Variants in RANBP2 observed in about 807,000 individuals in gnomAD.
RANBP2 encodes the protein RAN binding protein 2, also known as E3 SUMO-protein ligase RanBP2.
RANBP2 carries 57 observed loss-of-function variants against 303.6 expected under a neutral mutation model. The observed-to-expected ratio is 0.19, with a 90% CI of 0.15 to 0.23. RANBP2 has a LOEUF of 0.23. Ranked by LOEUF, RANBP2 falls within the 10% of genes least tolerant of loss-of-function variation. The pLI is 1.00. For missense variants in RANBP2, 3,138 were observed against 3,780.8 expected, an observed-to-expected ratio of 0.83 and a Z score of 4.46; for synonymous variants, 1,167 against 1,301.5, an observed-to-expected ratio of 0.90 and a Z score of 2.23.
chr2:108,950,303 G>A, the RANBP2 span, among the ~76,000 whole-genome samples: 44,681 of 149,328 alleles, frequency 0.3, 10,556 homozygotes, highest in East Asian at 0.94. Flanking sequence ...TTTGACAGGC[G>A]GGTCTCAGTC....
At chr2:108,864,594 G>A in the RANBP2 span, among the ~76,000 whole-genome samples, 4 of 151,984 alleles carry the variant, frequency 2.6e-5, no homozygotes, top group African/African-American at 4.8e-5. Context: ...TTAGGAGATC[G>A]AGAGCAGCCT....
At chr2:109,210,392 G>A in the RANBP2 span, among the ~76,000 whole-genome samples, 2 of 152,206 alleles carry the variant, frequency 1.3e-5, no homozygotes, top group African/African-American at 4.8e-5. Flanking sequence ...GGTCTTTTCC[G>A]TGCTCCCTCG....
the RANBP2 span, among the ~76,000 whole-genome samples, chr2:108,816,991 C>A: frequency 6.6e-6 from 1 of 152,190 alleles, no homozygotes; most frequent in East Asian, 1.9e-4. Context: ...GCCACTGTGC[C>A]CAGACCCAGT....
At chr2:109,044,001 T>C in the RANBP2 span, among the ~76,000 whole-genome samples, 1 of 152,094 alleles carries the variant, frequency 6.6e-6, no homozygotes, top group Admixed American at 6.6e-5. Context: ...AGAGGCATTT[T>C]TGGGCAGGAT....
At chr2:109,436,725 AC>A in the RANBP2 span, among the ~76,000 whole-genome samples, 1 of 152,202 alleles carries the variant, frequency 6.6e-6, no homozygotes, top group African/African-American at 2.4e-5. Flanking sequence ...GGTTTTGTAA[AC>A]AGGGCCCTTC....
At chr2:108,748,518 G>T (rs999123981) in intron 8 of RANBP2, among the ~76,000 whole-genome samples, 35 of 151,844 alleles carry the variant, frequency 2.3e-4, no homozygotes, top group African/African-American at 8.2e-4. Context: ...ACCGTGCCCA[G>T]CCGGAAATAA....
chr2:109,436,470 C>T, the RANBP2 span, among the ~76,000 whole-genome samples: 84 of 152,308 alleles, frequency 5.5e-4, no homozygotes, highest in African/African-American at 1.9e-3. Context: ...AGGTGGCAGT[C>T]GTGCCCAGAG....
At chr2:108,817,058 T>C in the RANBP2 span, among the ~76,000 whole-genome samples, 1 of 152,152 alleles carries the variant, frequency 6.6e-6, no homozygotes, top group Non-Finnish European at 1.5e-5. Flanking sequence ...AGTTTCAACA[T>C]GACTTTTGGA....
chr2:109,694,428 G>GTTT, the RANBP2 span, among the ~76,000 whole-genome samples: 1 of 139,278 alleles, frequency 7.2e-6, no homozygotes, highest in Non-Finnish European at 1.6e-5. Context: ...TTTTTGAGAT[G>GTTT]GAATCTCACT....
chr2:109,166,334 G>A, the RANBP2 span, among the ~76,000 whole-genome samples: 5 of 151,866 alleles, frequency 3.3e-5, no homozygotes, highest in Admixed American at 6.6e-5. Context: ...AAAATTAGCC[G>A]AGTGTGGTGG....
chr2:109,590,078 A>ATATG, the RANBP2 span, among the ~76,000 whole-genome samples: 2 of 147,576 alleles, frequency 1.4e-5, no homozygotes, highest in Non-Finnish European at 1.5e-5. Context: ...ACACACATAT[A>ATATG]TATGTATATA....
At chr2:109,461,367 C>T in the RANBP2 span, among the ~76,000 whole-genome samples, 1 of 152,336 alleles carries the variant, frequency 6.6e-6, no homozygotes, top group African/African-American at 2.4e-5. Flanking sequence ...GAGGCTTGCT[C>T]CAAAATCCTA....
the RANBP2 span, among the ~76,000 whole-genome samples, chr2:108,805,649 C>A: frequency 6.6e-6 from 1 of 152,024 alleles, no homozygotes; most frequent in Non-Finnish European, 1.5e-5. Context: ...ATGTCGTGAA[C>A]CCAGGAGGCG....
the RANBP2 span, among the ~76,000 whole-genome samples, chr2:109,270,194 C>A: frequency 6.6e-6 from 1 of 152,166 alleles, no homozygotes; most frequent in African/African-American, 2.4e-5. Context: ...CAAATTGGGG[C>A]AGCATGTGGC....
At chr2:108,728,610 G>C (rs1694924386) in intron 1 of RANBP2, among the ~76,000 whole-genome samples, 1 of 149,930 alleles carries the variant, frequency 6.7e-6, no homozygotes, top group Non-Finnish European at 1.5e-5. Context: ...TGATGATGAT[G>C]ATGATGATGA....
chr2:109,270,249 G>C, the RANBP2 span, among the ~76,000 whole-genome samples: 1 of 152,190 alleles, frequency 6.6e-6, no homozygotes, highest in Non-Finnish European at 1.5e-5. Flanking sequence ...GGTTAGGCTG[G>C]AACACCTGAA....
the RANBP2 span, among the ~76,000 whole-genome samples, chr2:108,959,374 G>T: frequency 2.0e-5 from 3 of 152,236 alleles, no homozygotes; most frequent in African/African-American, 7.2e-5. Context: ...AGAGAAATCA[G>T]AGCTCCCCAG....
chr2:108,798,891 A>G, the RANBP2 span, among the ~76,000 whole-genome samples: 620 of 152,002 alleles, frequency 4.1e-3, 6 homozygotes, highest in African/African-American at 0.014. Flanking sequence ...TGTAAAAATC[A>G]TGATTCTGTC....
the RANBP2 span, among the ~76,000 whole-genome samples, chr2:109,285,458 G>C: frequency 2.0e-5 from 3 of 152,202 alleles, no homozygotes; most frequent in Non-Finnish European, 4.4e-5. Context: ...TGTGCCGTGC[G>C]TTTTTGTTAG....
Sources: gnomAD v4.1 joint callset for allele counts (sites outside exome capture counted in the v4.1 genomes callset) on GRCh38, gnomAD v4.1.1 for gene constraint, MANE v1.5 for transcripts, NCBI Gene and HGNC (gene_info 2026-07-23, HGNC 2026-07-21) for gene names.